The following GNAQ variants were observed in gnomAD, a reference collection of about 807,000 sequenced individuals.
GNAQ encodes the protein guanine nucleotide-binding protein G(q) subunit alpha.
Under a neutral mutation model 43.9 loss-of-function variants are expected in GNAQ, and 8 were observed. The ratio of observed to expected loss-of-function variants is 0.18; its 90% confidence interval spans 0.11 to 0.33. The LOEUF is 0.33. Among genes scored for constraint, GNAQ ranks in the 10% least tolerant of loss-of-function variants. The pLI, the probability that GNAQ is intolerant of heterozygous loss-of-function variation, is 1.00. For synonymous variants in GNAQ, 155 were observed against 170.7 expected, an observed-to-expected ratio of 0.91 and a Z score of 0.71; for missense variants, 158 against 450.8, an observed-to-expected ratio of 0.35 and a Z score of 5.88.
At chr9:77,770,318 G>A (rs1826203712) in intron 5 of GNAQ, among the ~76,000 whole-genome samples, 1 of 152,154 alleles carries the variant, frequency 6.6e-6, no homozygotes, top group Non-Finnish European at 1.5e-5. Flanking sequence ...TTAGATGCTG[G>A]TTAGTTTATA....
intron 1 of GNAQ, among the ~76,000 whole-genome samples, chr9:77,961,092 T>C (rs890939629): frequency 2.0e-5 from 3 of 152,172 alleles, no homozygotes; most frequent in African/African-American, 7.2e-5. Context: ...AAAATTAAAA[T>C]AACAAAAGTA....
At chr9:77,983,389 A>G (rs949542619) in intron 1 of GNAQ, among the ~76,000 whole-genome samples, 2 of 152,058 alleles carry the variant, frequency 1.3e-5, no homozygotes, top group African/African-American at 4.8e-5. Context: ...TTCCCTCCCA[A>G]ATTCCTCCAT....
chr9:77,922,660 T>A (rs970614611), intron 1 of GNAQ, among the ~76,000 whole-genome samples: 2 of 152,200 alleles, frequency 1.3e-5, no homozygotes, highest in African/African-American at 4.8e-5. Context: ...ACAGCATCTT[T>A]TGAACATGAT....
intron 5 of GNAQ, among the ~76,000 whole-genome samples, chr9:77,745,447 A>G (rs151249106): frequency 1.3e-5 from 2 of 152,310 alleles, no homozygotes; most frequent in East Asian, 3.9e-4. Flanking sequence ...AGATCAATGC[A>G]AAAACTTAAA....
At position 77,815,037 on chromosome 9, in the gene GNAQ, A is replaced by T. The variant is rs1246808958; in HGVS notation, c.476+579T>A. Among the ~76,000 whole-genome samples, 7 of 152,176 alleles carry T rather than the reference A, an allele frequency of 4.6e-5. 1 individual carries two copies. Among genetic ancestry groups the T allele is most frequent in the African/African-American group, 1.7e-4 (7 of 41,446 alleles). On this transcript the variant is annotated intron_variant, in intron 3 of 6. Coordinates refer to ENST00000286548, the MANE Select transcript of GNAQ (RefSeq NM_002072.5). ...ACATGAGTCTGACTGACAGCTCACA[A>T]AATAATTCTGGAATGTATGCAAAAT... is the stretch of plus-strand genomic sequence containing the variant.
At chr9:77,798,099 G>C (rs976446918) in intron 3 of GNAQ, among the ~76,000 whole-genome samples, 2 of 151,988 alleles carry the variant, frequency 1.3e-5, no homozygotes, top group African/African-American at 4.8e-5. Context: ...TTCCTGGAAT[G>C]AATTTCACTA....
intron 2 of GNAQ, among the ~76,000 whole-genome samples, chr9:77,866,172 T>A (rs1456738449): frequency 2.0e-5 from 3 of 152,122 alleles, no homozygotes; most frequent in Non-Finnish European, 1.5e-5. Flanking sequence ...AGTTGGGCAG[T>A]GATTTAAAAA....
At chr9:77,783,901 T>G (rs1424534921) in intron 5 of GNAQ, among the ~76,000 whole-genome samples, 2 of 152,048 alleles carry the variant, frequency 1.3e-5, no homozygotes, top group Non-Finnish European at 2.9e-5. Flanking sequence ...ACCCTGTCTC[T>G]TAAAAAAAAT....
chr9:77,928,437 C>G (rs1381976565), intron 1 of GNAQ, among the ~76,000 whole-genome samples: 3 of 152,088 alleles, frequency 2.0e-5, no homozygotes, highest in Non-Finnish European at 4.4e-5. Context: ...TTAGTGGTAA[C>G]CAGGACTATT....
chr9:77,854,579 G>A (rs1827721686), intron 2 of GNAQ, among the ~76,000 whole-genome samples: 1 of 152,190 alleles, frequency 6.6e-6, no homozygotes, highest in Admixed American at 6.5e-5. Flanking sequence ...TCAGCAAGAT[G>A]TACAAATGCC....
chr9:77,808,551 A>G (rs923671952), intron 3 of GNAQ, among the ~76,000 whole-genome samples: 1 of 152,010 alleles, frequency 6.6e-6, no homozygotes, highest in Non-Finnish European at 1.5e-5. Flanking sequence ...TAGTAATTTA[A>G]TCATGTAGAG....
chr9:78,023,938 A>ATG (rs201439392), intron 1 of GNAQ, among the ~76,000 whole-genome samples: 1 of 151,804 alleles, frequency 6.6e-6, no homozygotes, highest in African/African-American at 2.4e-5. Context: ...CATATTGTAT[A>ATG]TGTGTGTATA....
At chr9:77,863,757 G>A (rs4384049) in intron 2 of GNAQ, among the ~76,000 whole-genome samples, 84,337 of 151,978 alleles carry the variant, frequency 0.55, 25,871 homozygotes, top group Non-Finnish European at 0.7. Flanking sequence ...GGAAGGCAAG[G>A]AGGAGCAAGT....
chr9:77,895,585 T>G (rs531038538), intron 2 of GNAQ, among the ~76,000 whole-genome samples: 1 of 152,248 alleles, frequency 6.6e-6, no homozygotes, highest in Non-Finnish European at 1.5e-5. Context: ...GGCCTTGAAG[T>G]TGGATTACAG....
intron 3 of GNAQ, among the ~76,000 whole-genome samples, chr9:77,812,408 C>G (rs912473833): frequency 6.6e-6 from 1 of 152,114 alleles, no homozygotes; most frequent in East Asian, 1.9e-4. Context: ...CTAGTCACAA[C>G]GTTTAACTTG....
chr9:77,996,510 C>A (rs1346425954), intron 1 of GNAQ, among the ~76,000 whole-genome samples: 3 of 151,428 alleles, frequency 2.0e-5, no homozygotes. Flanking sequence ...AAACCCTATC[C>A]CTACAAAAAA....
chr9:77,850,740 G>C (rs1295205813), intron 2 of GNAQ, among the ~76,000 whole-genome samples: 2 of 152,140 alleles, frequency 1.3e-5, no homozygotes, highest in African/African-American at 4.8e-5. Context: ...CTCTCTTTGA[G>C]GTTCTCTTTG....
chr9:77,815,809 C>T (rs1160353764), intron 2 of GNAQ, 39 bp from the exon 3 acceptor site: 1 of 1,491,858 alleles, frequency 6.7e-7, no homozygotes, highest in Non-Finnish European at 9.2e-7. Context: ...TACCCTATTA[C>T]TTTCCAAATT....
intron 2 of GNAQ, among the ~76,000 whole-genome samples, chr9:77,829,165 G>A (rs1484987131): frequency 6.6e-6 from 1 of 152,120 alleles, no homozygotes; most frequent in Non-Finnish European, 1.5e-5. Context: ...AATAGTAGGG[G>A]CTGAATACTA....
Sources: allele counts gnomAD v4.1 joint callset (sites outside exome capture counted in the v4.1 genomes callset), GRCh38; gene constraint gnomAD v4.1.1; transcripts MANE v1.5; gene names NCBI Gene and HGNC (gene_info 2026-07-23, HGNC 2026-07-21).